NPAS3: variants seen among roughly 807,000 people sequenced by gnomAD.
The protein encoded by NPAS3 is neuronal PAS domain-containing protein 3.
A neutral mutation model predicts 73.1 loss-of-function variants in NPAS3; 14 were observed. That is an observed-to-expected ratio of 0.19 (90% confidence interval 0.13 to 0.30). The LOEUF is 0.30. NPAS3 is among the 10% of genes least tolerant of loss of function. The pLI is 1.00. For synonymous variants in NPAS3, 620 were observed against 541.5 expected, an observed-to-expected ratio of 1.14 and a Z score of -2.01; for missense variants, 1,096 against 1,250.0, an observed-to-expected ratio of 0.88 and a Z score of 1.86.
At chr14:33,270,831 T>A (rs1323071611) in intron 3 of NPAS3, among the ~76,000 whole-genome samples, 2 of 152,160 alleles carry the variant, frequency 1.3e-5, no homozygotes, top group Non-Finnish European at 2.9e-5. Flanking sequence ...GTCAGCCAGT[T>A]TGAGAAGTGA....
intron 5 of NPAS3, chr14:33,610,891 G>A (rs2057727961): frequency 6.6e-6 from 1 of 152,168 alleles, no homozygotes; most frequent in Non-Finnish European, 1.5e-5. Context: ...CTTTGCCCGA[G>A]AATTTAAGGC....
chr14:33,242,752 C>A (rs2048251104), intron 3 of NPAS3, among the ~76,000 whole-genome samples: 1 of 152,050 alleles, frequency 6.6e-6, no homozygotes, highest in African/African-American at 2.4e-5. Flanking sequence ...TGATTAGACC[C>A]AAATGCAATA....
chr14:33,478,517 T>C (rs2051154640), intron 4 of NPAS3, among the ~76,000 whole-genome samples: 1 of 152,172 alleles, frequency 6.6e-6, no homozygotes, highest in Non-Finnish European at 1.5e-5. Flanking sequence ...TAAATATGTA[T>C]ATGATTAGAA....
At chr14:33,584,039 A>G (rs1244911030) in intron 5 of NPAS3, among the ~76,000 whole-genome samples, 2 of 152,224 alleles carry the variant, frequency 1.3e-5, no homozygotes, top group Non-Finnish European at 2.9e-5. Flanking sequence ...AATGTAGACT[A>G]TAACCACTGA....
intron 7 of NPAS3, among the ~76,000 whole-genome samples, chr14:33,761,765 G>A (rs1273052955): frequency 3.9e-5 from 6 of 152,056 alleles, no homozygotes; most frequent in Admixed American, 1.3e-4. Flanking sequence ...TCTTACGTTC[G>A]AGGGAATAGG....
At chr14:33,512,526 T>C (rs1207572521) in intron 4 of NPAS3, among the ~76,000 whole-genome samples, 1 of 152,072 alleles carries the variant, frequency 6.6e-6, no homozygotes, top group Admixed American at 6.6e-5. Flanking sequence ...GGTTCAAACC[T>C]CATGGCATTT....
chr14:33,312,345 G>T (rs945599487), intron 3 of NPAS3, among the ~76,000 whole-genome samples: 5 of 151,910 alleles, frequency 3.3e-5, no homozygotes, highest in African/African-American at 1.2e-4. Flanking sequence ...GAGACTTGCA[G>T]CTTTCTTCAC....
chr14:33,153,418 T>C (rs1164913397), intron 2 of NPAS3, among the ~76,000 whole-genome samples: 1 of 152,166 alleles, frequency 6.6e-6, no homozygotes, highest in Non-Finnish European at 1.5e-5. Context: ...CCTCTTGGGC[T>C]GATTAGCTTC....
intron 6 of NPAS3, chr14:33,680,806 G>T: frequency 1.7e-6 from 1 of 584,064 alleles, no homozygotes; most frequent in Non-Finnish European, 3.0e-6. Context: ...CAGTACTTTG[G>T]ATGATGAATA....
chr14:33,018,457 A>G (rs2039471579), intron 1 of NPAS3, among the ~76,000 whole-genome samples: 1 of 152,190 alleles, frequency 6.6e-6, no homozygotes, highest in African/African-American at 2.4e-5. Context: ...GATACAATAG[A>G]GGAAATTCCC....
chr14:32,991,681 A>C (rs1223321684), intron 1 of NPAS3, among the ~76,000 whole-genome samples: 1 of 152,236 alleles, frequency 6.6e-6, no homozygotes, highest in African/African-American at 2.4e-5. Flanking sequence ...ATTAGTTTAA[A>C]GCGATTTGGA....
intron 2 of NPAS3, among the ~76,000 whole-genome samples, chr14:33,141,661 C>T (rs1258374810): frequency 6.6e-6 from 1 of 152,214 alleles, no homozygotes; most frequent in African/African-American, 2.4e-5. Context: ...TATGGATATA[C>T]TATAATCCTC....
chr14:33,357,905 T>C (rs1009299116), intron 3 of NPAS3, among the ~76,000 whole-genome samples: 2 of 152,204 alleles, frequency 1.3e-5, no homozygotes, highest in African/African-American at 2.4e-5. Context: ...CCATGGAACC[T>C]AATTTGTCTA....
intron 3 of NPAS3, among the ~76,000 whole-genome samples, chr14:33,347,403 C>T (rs2044792376): frequency 6.6e-6 from 1 of 152,222 alleles, no homozygotes; most frequent in Non-Finnish European, 1.5e-5. Flanking sequence ...AATGTGGACA[C>T]ACACACACAA....
chr14:33,142,190 G>GTTTTTT (rs1566604226), intron 2 of NPAS3, among the ~76,000 whole-genome samples: 1 of 18,942 alleles, frequency 5.3e-5, no homozygotes. Flanking sequence ...ATTTGTATAA[G>GTTTTTT]CTTTTTTTTT....
At chr14:33,721,902 G>T (rs1293183027) in intron 6 of NPAS3, among the ~76,000 whole-genome samples, 2 of 152,128 alleles carry the variant, frequency 1.3e-5, no homozygotes. Context: ...ATAAAATGGA[G>T]AAATGGGCAA....
chr14:33,647,251 A>C (rs967621606), intron 5 of NPAS3, among the ~76,000 whole-genome samples: 1 of 151,256 alleles, frequency 6.6e-6, no homozygotes, highest in African/African-American at 2.4e-5. Flanking sequence ...ACACTTACTC[A>C]GTTTATTACA....
intron 1 of NPAS3, among the ~76,000 whole-genome samples, chr14:33,004,278 A>C (rs913553395): frequency 6.6e-6 from 1 of 152,182 alleles, no homozygotes; most frequent in Non-Finnish European, 1.5e-5. Flanking sequence ...ATTTACACAA[A>C]CCTAGATGAT....
At chr14:33,067,658 C>T (rs1257039880) in intron 2 of NPAS3, among the ~76,000 whole-genome samples, 1 of 152,172 alleles carries the variant, frequency 6.6e-6, no homozygotes, top group Admixed American at 6.5e-5. Context: ...AAAACAAAAA[C>T]AAGCCCTTGT....
Sources: allele counts gnomAD v4.1 joint callset (sites outside exome capture counted in the v4.1 genomes callset), GRCh38; gene constraint gnomAD v4.1.1; transcripts MANE v1.5; gene names NCBI Gene and HGNC (gene_info 2026-07-23, HGNC 2026-07-21).